The following NCALD variants were observed in gnomAD, a reference collection of about 807,000 sequenced individuals.
The protein encoded by NCALD is neurocalcin delta.
Under a neutral mutation model 18.6 loss-of-function variants are expected in NCALD, and 10 were observed. The observed-to-expected ratio is 0.54, with a 90% confidence interval of 0.33 to 0.91. NCALD has a LOEUF of 0.91. Ranked by LOEUF, NCALD falls within the 40% of genes least tolerant of loss-of-function variation. The pLI, the probability that NCALD is intolerant of heterozygous loss-of-function variation, is 0.03. For missense variants in NCALD, 184 were observed against 247.6 expected (o/e 0.74, Z 1.72); for synonymous variants, 88 against 87.4 (o/e 1.01, Z -0.04).
chr8:101,725,024 A>C (rs1816512266), intron 1 of NCALD, among the ~76,000 whole-genome samples: 2 of 152,184 alleles, frequency 1.3e-5, no homozygotes, highest in Admixed American at 1.3e-4. Context: ...TTCAGCAGGG[A>C]GCAAACAGGC....
chr8:101,766,386 C>T (rs1216019730), intron 1 of NCALD, among the ~76,000 whole-genome samples: 1 of 152,028 alleles, frequency 6.6e-6, no homozygotes, highest in African/African-American at 2.4e-5. Context: ...TGAAAAATGT[C>T]TTGAAATCTT....
chr8:101,878,482 T>C (rs117260783), intron 4 of NCALD, among the ~76,000 whole-genome samples: 1,595 of 152,366 alleles, frequency 0.01, 17 homozygotes, highest in Middle Eastern at 0.037. Flanking sequence ...GGTTCCCTTG[T>C]ACAAGGAACA....
chr8:101,701,308 T>C lies in NCALD; in HGVS notation c.379-8412A>G, dbSNP rs76197295. On this transcript the variant is annotated intron_variant, in intron 2 of 3. Transcript: ENST00000220931. ...CAGTCCCCACCCCTTCTACATTTAATGGGATTAAACCGTGAAGAGACCAGG... is the reference window on the plus strand; with the variant it reads ...CAGTCCCCACCCCTTCTACATTTAACGGGATTAAACCGTGAAGAGACCAGG... Among the ~76,000 whole-genome samples, 1,015 of 152,322 alleles carry C rather than the reference T, an allele frequency of 6.7e-3. 11 individuals are homozygous for C. The highest frequency in any genetic ancestry group is 0.023 in the African/African-American group (957 of 41,568).
chr8:101,689,321 G>T lies in NCALD; in HGVS notation c.570C>A (p.Ala190=). The change falls in exon 4 of 4, where the codon GCC becomes GCA. Residue 190 remains alanine, a synonymous_variant. Coordinates refer to ENST00000220931, the MANE Select transcript of NCALD (RefSeq NM_032041.3). The surrounding 1 kb of genome is among the most constrained non-coding windows in gnomAD (Gnocchi z 4.4). ...VRLLQCDPSS[A]GQF Reference sequence around the variant, plus strand: ...GTGGGCGCAGGGCTCAGAACTGGCCGGCACTGCTCGGGTCGCACTGCAGGA... The same window carrying T: ...GTGGGCGCAGGGCTCAGAACTGGCCTGCACTGCTCGGGTCGCACTGCAGGA... 6.2e-7 allele frequency: 1 copy of T among 1,613,764 alleles called. No individual in the cohort carries two copies. Among genetic ancestry groups the T allele is most frequent in the Non-Finnish European group, 8.5e-7 (1 of 1,179,838 alleles).
At chr8:102,061,624 A>G (rs1823852544) in intron 1 of NCALD, among the ~76,000 whole-genome samples, 1 of 152,176 alleles carries the variant, frequency 6.6e-6, no homozygotes, top group African/African-American at 2.4e-5. Context: ...GCTGATTCCC[A>G]ATAGTCCTAA....
At chr8:101,753,872 C>G (rs1221993680) in intron 1 of NCALD, among the ~76,000 whole-genome samples, 2 of 152,190 alleles carry the variant, frequency 1.3e-5, no homozygotes, top group African/African-American at 4.8e-5. Context: ...ATCCTGGAAG[C>G]ACTCTACCTC....
At chr8:101,816,133 G>T (rs1480876088) in intron 4 of NCALD, among the ~76,000 whole-genome samples, 2 of 152,132 alleles carry the variant, frequency 1.3e-5, no homozygotes, top group Non-Finnish European at 2.9e-5. Context: ...TTTCCAGAGG[G>T]TCAGAGGGAG....
At chr8:102,022,377 G>A (rs1822305685) in intron 1 of NCALD, among the ~76,000 whole-genome samples, 1 of 152,166 alleles carries the variant, frequency 6.6e-6, no homozygotes, top group South Asian at 2.1e-4. Flanking sequence ...AAATACTTGA[G>A]GAAAACCCAC....
chr8:101,719,287 A>G lies in NCALD; in HGVS notation c.343T>C (p.Tyr115His). The G allele has an allele frequency of 1.9e-6, 3 of 1,614,138 alleles. No homozygotes were observed. Among genetic ancestry groups the G allele is most frequent in the African/African-American group, 1.3e-5 (1 of 75,042 alleles). The part of the protein sequence containing the change: ...FSMYDLDGNG[Y>H]ISKAEMLEIV... The stretch of plus-strand genomic sequence containing the variant: ...TCTAGCATCTCTGCCTTGCTGATAT[A>G]GCCATTTCCGTCCAGGTCGTACATG... Residue 115 changes from tyrosine (Y) to histidine (H), a missense_variant, in exon 2 of 4, where the codon TAT (tyrosine) becomes CAT (histidine). Physicochemically the swap from Tyr to His is moderately conservative, Grantham distance 83. Coordinates refer to ENST00000220931, the MANE Select transcript of NCALD (RefSeq NM_032041.3).
At chr8:101,796,580 C>CA (rs934769999) in intron 4 of NCALD, among the ~76,000 whole-genome samples, 1 of 151,406 alleles carries the variant, frequency 6.6e-6, no homozygotes, top group African/African-American at 2.4e-5. Flanking sequence ...AGAACATACA[C>CA]AAAAAAAGAA....
intron 2 of NCALD, among the ~76,000 whole-genome samples, chr8:101,930,356 C>T (rs959413354): frequency 2.0e-5 from 3 of 152,090 alleles, no homozygotes; most frequent in African/African-American, 7.2e-5. Context: ...CATCTCCCTG[C>T]TGATCAATGC....
chr8:101,896,678 AAAC>A (rs996397328), intron 3 of NCALD, among the ~76,000 whole-genome samples: 1 of 151,098 alleles, frequency 6.6e-6, no homozygotes, highest in Non-Finnish European at 1.5e-5. Context: ...ACAGAAAAAC[AAAC>A]AACCCCATCA....
At chr8:101,869,107 A>T (rs937982394) in intron 4 of NCALD, among the ~76,000 whole-genome samples, 3 of 152,330 alleles carry the variant, frequency 2.0e-5, no homozygotes, top group Non-Finnish European at 4.4e-5. Context: ...GAGAGTTCAC[A>T]CATGTGGTAG....
At chr8:102,109,057 A>C (rs1174988216) in intron 1 of NCALD, among the ~76,000 whole-genome samples, 2 of 152,076 alleles carry the variant, frequency 1.3e-5, no homozygotes. Flanking sequence ...TAGCAGAAGC[A>C]CTCTGAGCTT....
intron 2 of NCALD, among the ~76,000 whole-genome samples, chr8:101,995,530 C>T (rs1821206156): frequency 6.6e-6 from 1 of 152,104 alleles, no homozygotes; most frequent in South Asian, 2.1e-4. Context: ...GCAGGCACAT[C>T]ACATGGCGAA....
chr8:101,688,268 T>G lies in NCALD; in HGVS notation c.*1041A>C, dbSNP rs114069523. ...CCAATTGTCCTGTCCCACTACCACC[T>G]GCTCTGCATCTGCCCTCTAGGCATG... On this transcript the variant is annotated 3_prime_UTR_variant, in exon 4 of 4. Transcript: ENST00000220931. The G allele has an allele frequency of 5.9e-3, 1,144 of 192,448 alleles. 14 individuals are homozygous for G. Among genetic ancestry groups the G allele is most frequent in the African/African-American group, 0.025 (1,066 of 42,540 alleles). The allele number at this position is 192,448 out of a possible 1,614,324, so 11.9% of individuals were successfully genotyped here. A position where few individuals can be genotyped will look rare whatever the true frequency, so the allele number is the denominator to read the frequency against.
intron 2 of NCALD, among the ~76,000 whole-genome samples, chr8:101,701,069 C>T (rs991546428): frequency 5.9e-5 from 9 of 152,158 alleles, no homozygotes; most frequent in East Asian, 1.9e-4. Flanking sequence ...AGCAGAGAGT[C>T]GAGGTGACGA....
At chr8:101,984,475 T>C (rs1476358271) in intron 2 of NCALD, among the ~76,000 whole-genome samples, 1 of 152,182 alleles carries the variant, frequency 6.6e-6, no homozygotes, top group African/African-American at 2.4e-5. Context: ...ATGTTGAAGC[T>C]CTGAAGCAAA....
chr8:102,042,239 G>C (rs1111910), intron 1 of NCALD, among the ~76,000 whole-genome samples: 57,799 of 151,774 alleles, frequency 0.38, 11,594 homozygotes, highest in African/African-American at 0.41. Flanking sequence ...AGACCTCTCA[G>C]CCACAACAAG....
Sources: gnomAD v4.1 joint callset for allele counts (sites outside exome capture counted in the v4.1 genomes callset) on GRCh38, gnomAD v4.1.1 for gene constraint, Gnocchi (gnomAD v3.1) non-coding constraint, MANE v1.5 for transcripts, NCBI Gene and HGNC (gene_info 2026-07-23, HGNC 2026-07-21) for gene names.